Variants in BICC1 observed in about 807,000 individuals in gnomAD.
BICC1 encodes BicC family RNA binding protein 1, also known as protein bicaudal C homolog 1.
A neutral mutation model predicts 111.0 loss-of-function variants in BICC1; 43 were observed. That is an observed-to-expected ratio of 0.39 (90% confidence interval 0.30 to 0.50). BICC1 has a LOEUF of 0.50. Among genes scored for constraint, BICC1 ranks in the 20% least tolerant of loss-of-function variants. BICC1 has a pLI of 0.88. For synonymous variants in BICC1, 467 were observed against 434.4 expected, an observed-to-expected ratio of 1.07 and a Z score of -0.93; for missense variants, 1,091 against 1,203.2, an observed-to-expected ratio of 0.91 and a Z score of 1.38.
At chr10:58,801,639 A>G (rs1305394376) in intron 14 of BICC1, among the ~76,000 whole-genome samples, 1 of 151,672 alleles carries the variant, frequency 6.6e-6, no homozygotes, top group Non-Finnish European at 1.5e-5. Context: ...CTACAATGTA[A>G]GGTTTTGTTC....
intron 2 of BICC1, among the ~76,000 whole-genome samples, chr10:58,642,533 A>G (rs1331540290): frequency 6.6e-6 from 1 of 152,118 alleles, no homozygotes; most frequent in Non-Finnish European, 1.5e-5. Flanking sequence ...CGTGCCCTCA[A>G]CGTCTAGCTG....
intron 3 of BICC1, among the ~76,000 whole-genome samples, chr10:58,713,023 ATAT>A (rs1441910116): frequency 4.6e-5 from 7 of 152,228 alleles, no homozygotes; most frequent in African/African-American, 1.7e-4. Context: ...TGCAAAGATA[ATAT>A]TATATGGTCA....
At chr10:58,800,705 C>T (rs1438146630) in intron 13 of BICC1, among the ~76,000 whole-genome samples, 185 bp from the exon 14 acceptor site, 2 of 152,148 alleles carry the variant, frequency 1.3e-5, no homozygotes, top group Admixed American at 1.3e-4. Flanking sequence ...CGGGTCTTCT[C>T]TTCAAATTGA....
chr10:58,587,013 T>C (rs1236839445), intron 1 of BICC1, among the ~76,000 whole-genome samples: 1 of 152,192 alleles, frequency 6.6e-6, no homozygotes, highest in Non-Finnish European at 1.5e-5. Context: ...GTGCTGAGGA[T>C]AAGAATGTTC....
At chr10:58,821,591 G>C (rs1043039774) in intron 20 of BICC1, among the ~76,000 whole-genome samples, 7 of 152,076 alleles carry the variant, frequency 4.6e-5, no homozygotes, top group African/African-American at 1.7e-4. Flanking sequence ...CTTCCTGGTG[G>C]CAGCCTGTTA....
At chr10:58,714,052 T>A (rs955353996) in intron 3 of BICC1, among the ~76,000 whole-genome samples, 1 of 152,340 alleles carries the variant, frequency 6.6e-6, no homozygotes, top group East Asian at 1.9e-4. Context: ...CGAGGGCCGC[T>A]GCTAAACATC....
chr10:58,713,223 CTG>C (rs1372413234), intron 3 of BICC1, among the ~76,000 whole-genome samples: 7 of 152,182 alleles, frequency 4.6e-5, no homozygotes, highest in Admixed American at 1.3e-4. Flanking sequence ...TTGCCTGACT[CTG>C]TGACTGCTGC....
At chr10:58,524,329 A>G (rs1463702385) in intron 1 of BICC1, among the ~76,000 whole-genome samples, 2 of 152,200 alleles carry the variant, frequency 1.3e-5, no homozygotes, top group Admixed American at 1.3e-4. Flanking sequence ...CCAAAACAGC[A>G]TGGTACTGAT....
intron 3 of BICC1, among the ~76,000 whole-genome samples, chr10:58,770,209 A>C (rs748782891): frequency 6.6e-6 from 1 of 152,092 alleles, no homozygotes; most frequent in Non-Finnish European, 1.5e-5. Context: ...AATGTTAGGA[A>C]TTTGTGGTAA....
At chr10:58,824,350 G>C (rs2132986309) in intron 20 of BICC1, among the ~76,000 whole-genome samples, 1 of 152,286 alleles carries the variant, frequency 6.6e-6, no homozygotes, top group South Asian at 2.1e-4. Context: ...CAAAATAAAT[G>C]TAAAGTGCTT....
At chr10:58,791,248 A>C (rs556062460) in intron 8 of BICC1, among the ~76,000 whole-genome samples, 7 of 152,094 alleles carry the variant, frequency 4.6e-5, no homozygotes, top group Non-Finnish European at 8.8e-5. Flanking sequence ...CAAGTTCTTT[A>C]GATGTTATTT....
At position 58,794,986 on chromosome 10, in the gene BICC1, T is replaced by G. The variant is rs74658090; in HGVS notation, c.1180-1354T>G. On this transcript the variant is annotated intron_variant, in intron 9 of 20. Coordinates refer to ENST00000373886, the MANE Select transcript of BICC1 (RefSeq NM_001080512.3). ...TATGTAGTCAATGGCAGCATTTTTG[T>G]GTATATATATGTCTGTACATTTTTA... is the stretch of plus-strand genomic sequence containing the variant. Among the ~76,000 whole-genome samples, 1,007 of 152,288 alleles carry G rather than the reference T, an allele frequency of 6.6e-3. 15 individuals are homozygous for G. Among genetic ancestry groups the G allele is most frequent in the Non-Finnish European group, 5.6e-3 (378 of 68,030 alleles).
At chr10:58,690,038 G>A (rs951795016) in intron 2 of BICC1, among the ~76,000 whole-genome samples, 1 of 152,028 alleles carries the variant, frequency 6.6e-6, no homozygotes, top group African/African-American at 2.4e-5. Context: ...TAAACATATT[G>A]TTTACTTTTG....
intron 2 of BICC1, among the ~76,000 whole-genome samples, chr10:58,637,841 AG>A (rs564331799): frequency 5.2e-4 from 79 of 152,318 alleles, no homozygotes; most frequent in African/African-American, 1.9e-3. Flanking sequence ...AAATTGGGAC[AG>A]GCATGGTGGA....
chr10:58,560,307 AG>A (rs1019685373), intron 1 of BICC1, among the ~76,000 whole-genome samples: 7 of 152,094 alleles, frequency 4.6e-5, no homozygotes, highest in Non-Finnish European at 8.8e-5. Flanking sequence ...GTATGTGTCA[AG>A]GGATTTATTC....
chr10:58,591,260 C>G (rs539786173), intron 1 of BICC1, among the ~76,000 whole-genome samples: 42 of 152,250 alleles, frequency 2.8e-4, no homozygotes, highest in African/African-American at 9.4e-4. Context: ...AAGGGGGACA[C>G]TTTCTTTGGT....
At chr10:58,572,666 G>A (rs995157885) in intron 1 of BICC1, among the ~76,000 whole-genome samples, 2 of 152,018 alleles carry the variant, frequency 1.3e-5, no homozygotes, top group Admixed American at 6.6e-5. Flanking sequence ...GTTTATCTCT[G>A]TCATCTATAT....
intron 18 of BICC1, among the ~76,000 whole-genome samples, chr10:58,816,869 G>A (rs1844110994): frequency 6.6e-6 from 1 of 151,070 alleles, no homozygotes; most frequent in African/African-American, 2.4e-5. Context: ...CAGACAGTTT[G>A]TTGAAACCTT....
At chr10:58,531,023 G>C (rs1054994272) in intron 1 of BICC1, among the ~76,000 whole-genome samples, 3 of 151,782 alleles carry the variant, frequency 2.0e-5, no homozygotes, top group African/African-American at 7.3e-5. Context: ...CATTTCATCT[G>C]AGTCGGCCCC....
Sources: allele counts gnomAD v4.1 joint callset (sites outside exome capture counted in the v4.1 genomes callset), GRCh38; gene constraint gnomAD v4.1.1; transcripts MANE v1.5; gene names NCBI Gene and HGNC (gene_info 2026-07-23, HGNC 2026-07-21).